The following SEMA5A variants were observed in gnomAD, a reference collection of about 807,000 sequenced individuals.
SEMA5A encodes semaphorin 5A.
In SEMA5A, 55 loss-of-function variants were observed where a neutral mutation model predicts 135.5. The observed-to-expected ratio is 0.41, with a 90% CI of 0.33 to 0.51. The LOEUF (loss-of-function observed/expected upper bound fraction) is 0.51, where lower values mean the gene tolerates loss of function less well. SEMA5A is among the 20% of genes least tolerant of loss of function. The pLI, the probability that SEMA5A is intolerant of heterozygous loss-of-function variation, is 0.37. For synonymous variants in SEMA5A, 580 were observed against 546.5 expected (o/e 1.06, Z -0.85); for missense variants, 1,290 against 1,419.9 (o/e 0.91, Z 1.47).
chr5:9,330,406 G>T (rs1478407166), intron 4 of SEMA5A, among the ~76,000 whole-genome samples: 1 of 136,552 alleles, frequency 7.3e-6, no homozygotes, highest in Non-Finnish European at 1.5e-5. Flanking sequence ...AAAAAAAAAA[G>T]TACAGATTAG....
rs145856237 is a variant in SEMA5A at position 9,146,398 on chromosome 5, G to A, written c.1481+8090C>T. On this transcript the variant is annotated intron_variant, in intron 12 of 22. Coordinates refer to ENST00000382496, the MANE Select transcript of SEMA5A (RefSeq NM_003966.3). The stretch of plus-strand genomic sequence containing the variant: ...TCATACAGATGTCTTCATAGGTGTC[G>A]CTTAATGGCTTCAGAATAACTCAAT... 7.2e-5 allele frequency among the ~76,000 whole-genome samples: 11 copies of A among 152,236 alleles called. No homozygotes were observed. The East Asian group carries it at 7.7e-4, about 11-fold the overall frequency.
At chr5:9,378,070 G>T (rs764194429) in intron 3 of SEMA5A, among the ~76,000 whole-genome samples, 4 of 152,016 alleles carry the variant, frequency 2.6e-5, no homozygotes, top group African/African-American at 4.8e-5. Context: ...CATCAAATAT[G>T]TTGAAATTCA....
chr5:9,080,136 T>A (rs1738293757), intron 16 of SEMA5A, among the ~76,000 whole-genome samples: 1 of 152,112 alleles, frequency 6.6e-6, no homozygotes, highest in South Asian at 2.1e-4. Context: ...AGCAAAGACC[T>A]GGAAACAACC....
At chr5:9,257,512 G>T (rs2150505079) in intron 5 of SEMA5A, among the ~76,000 whole-genome samples, 1 of 151,594 alleles carries the variant, frequency 6.6e-6, no homozygotes, top group African/African-American at 2.4e-5. Flanking sequence ...AAGCTCCCAT[G>T]TCATCCTGGA....
chr5:9,468,758 A>G (rs1759361631), intron 1 of SEMA5A, among the ~76,000 whole-genome samples: 1 of 152,238 alleles, frequency 6.6e-6, no homozygotes, highest in Admixed American at 6.5e-5. Flanking sequence ...GTTTCGAATT[A>G]CTAGTATCAC....
intron 3 of SEMA5A, among the ~76,000 whole-genome samples, chr5:9,350,756 C>T (rs1754078492): frequency 6.6e-6 from 1 of 152,340 alleles, no homozygotes; most frequent in East Asian, 1.9e-4. Context: ...CGGGAGAGAA[C>T]AATCTTTCCC....
intron 2 of SEMA5A, among the ~76,000 whole-genome samples, chr5:9,426,411 C>T (rs1291009273): frequency 1.9e-5 from 1 of 52,738 alleles, no homozygotes; most frequent in Non-Finnish European, 4.6e-5. Flanking sequence ...GGCAACAGAG[C>T]GAGACTCCAT....
At chr5:9,130,215 T>C (rs908941894) in intron 13 of SEMA5A, among the ~76,000 whole-genome samples, 2 of 152,172 alleles carry the variant, frequency 1.3e-5, no homozygotes, top group Admixed American at 6.5e-5. Context: ...GTCCCTGGAG[T>C]TCATCTTTAG....
intron 17 of SEMA5A, among the ~76,000 whole-genome samples, chr5:9,065,193 T>C (rs1011677287): frequency 6.6e-6 from 1 of 152,132 alleles, no homozygotes; most frequent in Non-Finnish European, 1.5e-5. Context: ...TTAATGTCAG[T>C]GAGAGCAATA....
chr5:9,429,415 C>A (rs1579526286), intron 2 of SEMA5A, among the ~76,000 whole-genome samples: 1 of 152,208 alleles, frequency 6.6e-6, no homozygotes, highest in South Asian at 2.1e-4. Context: ...AGGAATGGAG[C>A]AGTGAGTGAA....
chr5:9,305,728 T>TATATATATATATATGTATATATATATATA (rs1287444762), intron 5 of SEMA5A, among the ~76,000 whole-genome samples: 1 of 95,000 alleles, frequency 1.1e-5, no homozygotes, highest in African/African-American at 4.0e-5. Context: ...ATATATATAT[T>TATATATATATATATGTATATATATATATA]TACACGCACA....
chr5:9,291,109 T>C (rs1579289926), intron 5 of SEMA5A, among the ~76,000 whole-genome samples: 3 of 152,206 alleles, frequency 2.0e-5, no homozygotes, highest in African/African-American at 7.2e-5. Flanking sequence ...TCTCTTGAGA[T>C]CACTGCTATT....
chr5:9,501,818 G>T (rs1489645029), intron 1 of SEMA5A, among the ~76,000 whole-genome samples: 1 of 152,146 alleles, frequency 6.6e-6, no homozygotes, highest in Non-Finnish European at 1.5e-5. Context: ...CACAGGTCTT[G>T]GTTGGCTAAT....
chr5:9,105,672 C>T (rs1421018119), intron 16 of SEMA5A, among the ~76,000 whole-genome samples: 1 of 152,120 alleles, frequency 6.6e-6, no homozygotes, highest in East Asian at 1.9e-4. Context: ...TAGGAAAAAC[C>T]ATCACCGCCT....
intron 5 of SEMA5A, among the ~76,000 whole-genome samples, chr5:9,266,201 A>G (rs1459370621): frequency 6.6e-6 from 1 of 152,224 alleles, no homozygotes; most frequent in Non-Finnish European, 1.5e-5. Context: ...AGGAGAGAAC[A>G]GTCTATCCAT....
At chr5:9,203,347 T>C (rs1366256733) in intron 8 of SEMA5A, among the ~76,000 whole-genome samples, 1 of 152,200 alleles carries the variant, frequency 6.6e-6, no homozygotes, top group African/African-American at 2.4e-5. Context: ...CAGGGACAAT[T>C]AGTTTGTTGG....
chr5:9,305,543 G>C (rs987943508), intron 5 of SEMA5A, among the ~76,000 whole-genome samples: 1 of 151,772 alleles, frequency 6.6e-6, no homozygotes, highest in Non-Finnish European at 1.5e-5. Flanking sequence ...TTTTGTATTA[G>C]AGTGACCACC....
chr5:9,336,884 A>G (rs1424777614), intron 4 of SEMA5A, among the ~76,000 whole-genome samples: 1 of 152,208 alleles, frequency 6.6e-6, no homozygotes, highest in Non-Finnish European at 1.5e-5. Context: ...TGAACTCTCC[A>G]CTGCCCAATG....
intron 1 of SEMA5A, among the ~76,000 whole-genome samples, chr5:9,515,016 A>C (rs1163054660): frequency 6.6e-6 from 1 of 152,240 alleles, no homozygotes. Context: ...TTTCTCCTAC[A>C]CTTAAATCGT....
Sources: allele counts gnomAD v4.1 joint callset (sites outside exome capture counted in the v4.1 genomes callset), GRCh38; gene constraint gnomAD v4.1.1; transcripts MANE v1.5; gene names NCBI Gene and HGNC (gene_info 2026-07-23, HGNC 2026-07-21).